The following BTBD3 variants were observed in gnomAD, a reference collection of about 807,000 sequenced individuals.
BTBD3 encodes BTB/POZ domain-containing protein 3.
BTBD3 carries 14 observed loss-of-function variants against 41.6 expected under a neutral mutation model. The observed-to-expected ratio is 0.34, with a 90% CI of 0.22 to 0.53. BTBD3 has a LOEUF of 0.53. BTBD3 is among the 20% of genes least tolerant of loss of function. The pLI is 0.95. For missense variants in BTBD3, 426 were observed against 654.7 expected (o/e 0.65, Z 3.81); for synonymous variants, 249 against 233.7 (o/e 1.07, Z -0.60).
chr20:11,896,512 G>A (rs2056788148), intron 1 of BTBD3, among the ~76,000 whole-genome samples: 1 of 152,052 alleles, frequency 6.6e-6, no homozygotes, highest in African/African-American at 2.4e-5. Flanking sequence ...ACATCTTTCT[G>A]GAACATTATC....
At chr20:11,919,029 G>A in intron 1 of BTBD3, 57 bp from the exon 2 acceptor site, 11 of 1,309,116 alleles carry the variant, frequency 8.4e-6, no homozygotes, top group Non-Finnish European at 1.2e-5. Flanking sequence ...GTATGTTGGG[G>A]AAGGGGATGT....
chr20:11,908,287 CTG>C (rs1224134799), intron 1 of BTBD3, among the ~76,000 whole-genome samples: 2 of 124,168 alleles, frequency 1.6e-5, no homozygotes, highest in African/African-American at 6.2e-5. Flanking sequence ...GTTCATATCT[CTG>C]TTAACTATGG....
intron 1 of BTBD3, among the ~76,000 whole-genome samples, chr20:11,894,335 C>T (rs2056773595): frequency 6.6e-6 from 1 of 152,202 alleles, no homozygotes; most frequent in Non-Finnish European, 1.5e-5. Flanking sequence ...GAGGTGAACT[C>T]TTTTATGACT....
chr20:11,897,815 C>T (rs1165163400), intron 1 of BTBD3, among the ~76,000 whole-genome samples: 9 of 152,176 alleles, frequency 5.9e-5, no homozygotes, highest in Admixed American at 5.9e-4. Context: ...CCTCCAGTGG[C>T]TTCCATGTCA....
At chr20:11,893,806 A>G (rs73093605) in intron 1 of BTBD3, among the ~76,000 whole-genome samples, 48,613 of 151,620 alleles carry the variant, frequency 0.32, 8,049 homozygotes, top group Non-Finnish European at 0.37. Flanking sequence ...ATGTGCTTCC[A>G]TTTTACTCTG....
chr20:11,916,770 G>T (rs1455967507), upstream of BTBD3, among the ~76,000 whole-genome samples: 2 of 152,128 alleles, frequency 1.3e-5, no homozygotes, highest in Non-Finnish European at 2.9e-5. Flanking sequence ...TTGCCTGAGG[G>T]GTAGCAAATG....
intron 1 of BTBD3, among the ~76,000 whole-genome samples, chr20:11,891,139 G>C (rs923884507): frequency 6.7e-6 from 1 of 150,312 alleles, no homozygotes; most frequent in African/African-American, 2.4e-5. Context: ...TCCGTCCCCC[G>C]GGCTCGAGAG....
chr20:11,920,155 T>C (rs1447453460), intron 3 of BTBD3, among the ~76,000 whole-genome samples: 1 of 152,236 alleles, frequency 6.6e-6, no homozygotes, highest in Non-Finnish European at 1.5e-5. Flanking sequence ...ATGTTCTCTC[T>C]GAAAGCATTG....
chr20:11,919,297 A>C, intron 2 of BTBD3, 121 bp downstream of exon 2: 1 of 1,325,678 alleles, frequency 7.5e-7, no homozygotes, highest in East Asian at 2.5e-5. Flanking sequence ...TCACTCGATT[A>C]GGGAGAGAGC....
chr20:11,916,797 C>A (rs2206798), upstream of BTBD3, among the ~76,000 whole-genome samples: 108,675 of 152,030 alleles, frequency 0.71, 39,241 homozygotes, highest in Non-Finnish European at 0.76. Flanking sequence ...GTGCTTTGAA[C>A]AAATGAGCGT....
In BTBD3 at chr20:11,922,779, C is replaced by T; in HGVS notation, c.682C>T (p.Leu228Phe). 1 of 1,614,230 alleles carries T rather than the reference C, an allele frequency of 6.2e-7. No individual in the cohort carries two copies. Among genetic ancestry groups the T allele is most frequent in the South Asian group, 1.1e-5 (1 of 91,086 alleles). The change falls in exon 4 of 4, where the codon CTC becomes TTC. Residue 228 changes from leucine (L) to phenylalanine (F), a missense_variant. Around this residue, in one of 3 missense-constraint regions of BTBD3, gnomAD observed 321 missense variants for 534.8 expected, o/e 0.60. Coordinates refer to ENST00000378226, the MANE Select transcript of BTBD3 (RefSeq NM_014962.4). ...CCTGAGTGCCAAGAATGCCTGTGTG[C>T]TCCTCTCCCAGAGCTGCCTGTTCGA... ...TSLSAKNACV[L>F]LSQSCLFEEP...
Position 11,919,618 on chromosome 20 carries a change from A to G in BTBD3, c.418-100A>G, listed in dbSNP as rs539743587. 108 of 1,304,780 alleles carry G rather than the reference A, an allele frequency of 8.3e-5. 1 individual carries two copies. In the Admixed American group the frequency reaches 1.5e-3, roughly 19 times the overall value. The allele number at this position is 1,304,780 out of a possible 1,614,324, so 80.8% of individuals were successfully genotyped here. ...CAAAGCAGTAGATTTTAGGTACGCT[A>G]TGTTTACTAAACCTGATTGCCTAGT... is the stretch of plus-strand genomic sequence containing the variant. On this transcript the variant is annotated intron_variant, in intron 2 of 3. Coordinates refer to ENST00000378226, the MANE Select transcript of BTBD3 (RefSeq NM_014962.4).
At chr20:11,902,697 A>T (rs948778879) in intron 1 of BTBD3, among the ~76,000 whole-genome samples, 7 of 152,232 alleles carry the variant, frequency 4.6e-5, no homozygotes, top group African/African-American at 1.7e-4. Flanking sequence ...TATGTACTAC[A>T]GTTAATTTTA....
chr20:11,915,349 T>C (rs2056911604), upstream of BTBD3, among the ~76,000 whole-genome samples: 1 of 152,190 alleles, frequency 6.6e-6, no homozygotes, highest in African/African-American at 2.4e-5. Context: ...TGAGGGGTTG[T>C]TAAGTTTTTA....
Position 11,923,514 on chromosome 20 carries a change from C to A in BTBD3, c.1417C>A (p.Leu473Met). The A allele has an allele frequency of 6.2e-7, 1 of 1,614,198 alleles. No individual in the cohort carries two copies. Among genetic ancestry groups the A allele is most frequent in the Non-Finnish European group, 8.5e-7 (1 of 1,180,032 alleles). Residue 473 changes from leucine to methionine, a missense_variant, in exon 4 of 4, where the codon CTG becomes ATG. Leu to Met is a conservative substitution (Grantham distance 15). Transcript: ENST00000378226. The surrounding 1 kb of genome is among the most constrained non-coding windows in gnomAD (Gnocchi z 5.3). ...PDTFYTASVI[L>M]DGNELSYFGQ... Reference sequence around the variant, plus strand: ...CACCTTCTACACAGCCAGTGTGATACTGGATGGCAATGAACTCAGCTACTT... The same window carrying A: ...CACCTTCTACACAGCCAGTGTGATAATGGATGGCAATGAACTCAGCTACTT...
At chr20:11,900,743 T>A (rs2056819062) in intron 1 of BTBD3, among the ~76,000 whole-genome samples, 1 of 149,936 alleles carries the variant, frequency 6.7e-6, no homozygotes, top group East Asian at 2.0e-4. Flanking sequence ...AGTGTGGCTC[T>A]GTCGCCCAGG....
intron 2 of BTBD3, 177 bp from the exon 3 acceptor site, chr20:11,919,541 C>A: frequency 8.7e-7 from 1 of 1,147,066 alleles, no homozygotes; most frequent in Non-Finnish European, 1.2e-6. Context: ...AAATAATTAG[C>A]AGCATGGTCT....
chr20:11,922,634 A>G lies in BTBD3; in HGVS notation c.537A>G (p.Lys179=), dbSNP rs1294836793. 4.4e-6 allele frequency: 7 copies of G among 1,608,080 alleles called. No individual in the cohort carries two copies. The highest frequency in any genetic ancestry group is 8.5e-7 in the Non-Finnish European group (1 of 1,176,456). The stretch of plus-strand genomic sequence containing the variant: ...CTTACATGTTATGTGCTTTTTACAG[A>G]TATATCTATTGTGATGAAATTGACT... The part of the protein sequence containing the change: ...VEPAAFLAML[K]YIYCDEIDLA... Residue 179 remains lysine, a splice_region_variant and synonymous_variant, in exon 4 of 4, where the codon AAA becomes AAG. Transcript: ENST00000378226.
At position 11,922,805 on chromosome 20, in the gene BTBD3, G is replaced by A. The variant is rs780806010; in HGVS notation, c.708G>A (p.Glu236=). Residue 236 remains glutamate (E), a synonymous_variant, in exon 4 of 4, where the codon GAG becomes GAA. Coordinates refer to ENST00000378226, the MANE Select transcript of BTBD3 (RefSeq NM_014962.4). ...CVLLSQSCLF[E]EPDLTQRCWE... ...TCCTCTCCCAGAGCTGCCTGTTCGAGGAGCCAGACCTGACCCAGCGTTGCT... is the reference window on the plus strand; with the variant it reads ...TCCTCTCCCAGAGCTGCCTGTTCGAAGAGCCAGACCTGACCCAGCGTTGCT... The A allele has an allele frequency of 1.2e-6, 2 of 1,614,230 alleles. No homozygotes were observed. Among genetic ancestry groups the A allele is most frequent in the East Asian group, 4.5e-5 (2 of 44,876 alleles).
Sources: gnomAD v4.1 joint callset for allele counts (sites outside exome capture counted in the v4.1 genomes callset) on GRCh38, gnomAD v4.1.1 for gene constraint, gnomAD v4.1.1 regional missense constraint, Gnocchi (gnomAD v3.1) non-coding constraint, MANE v1.5 for transcripts, NCBI Gene and HGNC (gene_info 2026-07-23, HGNC 2026-07-21) for gene names.